CADM3: variants seen among roughly 807,000 people sequenced by gnomAD.
CADM3 encodes TSLC1-like 1.
A neutral mutation model predicts 44.9 loss-of-function variants in CADM3; 11 were observed. That is an observed-to-expected ratio of 0.25 (90% CI 0.15 to 0.41). The LOEUF is 0.41. Ranked by LOEUF, CADM3 falls within the 10% of genes least tolerant of loss-of-function variation. The probability of loss-of-function intolerance (pLI) is 1.00; values close to 1 mark genes in which losing one functional copy is unlikely to be tolerated. For synonymous variants in CADM3, 207 were observed against 205.2 expected, an observed-to-expected ratio of 1.01 and a Z score of -0.08; for missense variants, 426 against 512.0, an observed-to-expected ratio of 0.83 and a Z score of 1.62.
chr1:159,182,087 C>T (rs956955499), intron 1 of CADM3, among the ~76,000 whole-genome samples: 12 of 144,338 alleles, frequency 8.3e-5, no homozygotes, highest in Admixed American at 1.4e-4. Context: ...CACACACACA[C>T]GCACACACAC....
At chr1:159,189,372 T>C (rs1290244143) in intron 1 of CADM3, among the ~76,000 whole-genome samples, 2 of 152,226 alleles carry the variant, frequency 1.3e-5, no homozygotes, top group Non-Finnish European at 1.5e-5. Flanking sequence ...GAAAGAATTC[T>C]GGATAAGGAA....
chr1:159,188,110 G>A (rs1057390336), intron 1 of CADM3, among the ~76,000 whole-genome samples: 8 of 152,006 alleles, frequency 5.3e-5, no homozygotes, highest in African/African-American at 1.7e-4. Context: ...TCTCCTGGAA[G>A]CTGTCTGTGA....
At chr1:159,175,400 A>C (rs780865750) in intron 1 of CADM3, among the ~76,000 whole-genome samples, 2 of 152,226 alleles carry the variant, frequency 1.3e-5, no homozygotes, top group Non-Finnish European at 2.9e-5. Flanking sequence ...CAGTTATGCC[A>C]TTCTATTCTA....
chr1:159,181,348 G>A (rs538279036), intron 1 of CADM3, among the ~76,000 whole-genome samples: 71 of 152,290 alleles, frequency 4.7e-4, no homozygotes, highest in Non-Finnish European at 7.8e-4. Context: ...ATACCTGTCC[G>A]TATGTCTAAA....
Position 159,197,000 on chromosome 1 carries a change from G to A in CADM3, c.892G>A (p.Gly298Ser), listed in dbSNP as rs1557938790. Residue 298 changes from glycine to serine, a missense_variant, in exon 7 of 9, where the codon GGC becomes AGC. Physicochemically the swap from Gly to Ser is moderately conservative, Grantham distance 56 (BLOSUM62 0). Coordinates refer to ENST00000368125, the MANE Select transcript of CADM3 (RefSeq NM_001127173.3). The stretch of plus-strand genomic sequence containing the variant: ...CAACAAGAGTGACAGTGGCACCTAC[G>A]GCTGCACAGCCACCAGCAACATGGG... ...FLNKSDSGTY[G>S]CTATSNMGSY... The A allele has an allele frequency of 3.1e-6, 5 of 1,613,982 alleles. No individual in the cohort carries two copies. Among genetic ancestry groups the A allele is most frequent in the Admixed American group, 1.7e-5 (1 of 59,996 alleles).
Position 159,193,553 on chromosome 1 carries a change from A to T in CADM3, c.513A>T (p.Glu171Asp). 6.2e-7 allele frequency: 1 copy of T among 1,614,020 alleles called. No homozygotes were observed. Among genetic ancestry groups the T allele is most frequent in the Non-Finnish European group, 8.5e-7 (1 of 1,180,002 alleles). Reference sequence around the variant, plus strand: ...TCACCTGGAGAAAGGGTGACCAAGAACTCCACGGTGAGTACCTCCTGCCTT... The same window carrying T: ...TCACCTGGAGAAAGGGTGACCAAGATCTCCACGGTGAGTACCTCCTGCCTT... ...ARLTWRKGDQ[E>D]LHGEPTRIQE... Residue 171 changes from glutamate (E) to aspartate (D), a missense_variant, in exon 4 of 9, where the codon GAA becomes GAT. Around this residue, in one of 2 missense-constraint regions of CADM3, gnomAD observed 362 missense variants for 474.6 expected, o/e 0.76. Transcript: ENST00000368125.
At chr1:159,176,044 T>C (rs552702665) in intron 1 of CADM3, among the ~76,000 whole-genome samples, 2 of 152,332 alleles carry the variant, frequency 1.3e-5, no homozygotes, top group East Asian at 3.9e-4. Flanking sequence ...CCTGGGGCTG[T>C]GACTAGTCTT....
At chr1:159,194,070 A>T in intron 5 of CADM3, 30 bp downstream of exon 5, 1 of 1,602,108 alleles carries the variant, frequency 6.2e-7, no homozygotes, top group East Asian at 2.2e-5. Context: ...ATGAAGAAGG[A>T]TGAGGTATGA....
intron 1 of CADM3, chr1:159,189,629 ACCCT>A: frequency 1.6e-6 from 1 of 644,296 alleles, no homozygotes; most frequent in Non-Finnish European, 2.7e-6. Flanking sequence ...CTTGGTAAGA[ACCCT>A]ACCTTCTCTT....
At chr1:159,187,961 T>C (rs1370656272) in intron 1 of CADM3, among the ~76,000 whole-genome samples, 1 of 151,836 alleles carries the variant, frequency 6.6e-6, no homozygotes, top group African/African-American at 2.4e-5. Flanking sequence ...GCCTCTCTTT[T>C]ATCGACAGTT....
At chr1:159,200,545 CACACACACACTT>C (rs1356326149) in intron 8 of CADM3, among the ~76,000 whole-genome samples, 6 of 136,430 alleles carry the variant, frequency 4.4e-5, no homozygotes, top group African/African-American at 1.3e-4. Context: ...CACACACACA[CACACACACACTT>C]CTCTTTCTTG....
chr1:159,189,815 C>T (rs1212571672), intron 1 of CADM3: 1 of 1,607,630 alleles, frequency 6.2e-7, no homozygotes, highest in Non-Finnish European at 8.5e-7. Context: ...TCTGGCTCCA[C>T]TCGACGAGGC....
intron 1 of CADM3, among the ~76,000 whole-genome samples, chr1:159,182,068 ACAC>A (rs1649254855): frequency 7.0e-6 from 1 of 143,640 alleles, no homozygotes; most frequent in South Asian, 2.2e-4. Context: ...ACACACACAC[ACAC>A]ACACACACAC....
At chr1:159,198,976 C>T (rs926366823) in intron 7 of CADM3, among the ~76,000 whole-genome samples, 1 of 152,124 alleles carries the variant, frequency 6.6e-6, no homozygotes, top group South Asian at 2.1e-4. Flanking sequence ...AAGACGGAGT[C>T]CCAGGCCTCC....
rs532244003 is a variant in CADM3 at position 159,175,852 on chromosome 1, C to T, written c.88+3999C>T. On this transcript the variant is annotated intron_variant, in intron 1 of 8. Transcript: ENST00000368125. ...CCAGAGACAGCATCGCTTTGGCGTT[C>T]TGGTTACTTTGAAATAACAAACTGA... 5.3e-5 allele frequency among the ~76,000 whole-genome samples: 8 copies of T among 152,368 alleles called. No homozygotes were observed. The South Asian group carries it at 1.7e-3, about 32-fold the overall frequency.
rs374461427 is a variant in CADM3 at position 159,199,752 on chromosome 1, C to A, written c.954C>A (p.Asp318Glu). ...TGTGTGTGTTGCCCTTTCTTCCAGACCCCAGTCCGGTGCCCTCCTCCTCCA... is the reference window on the plus strand; with the variant it reads ...TGTGTGTGTTGCCCTTTCTTCCAGAACCCAGTCCGGTGCCCTCCTCCTCCA... ...YKAYYTLNVN[D>E]PSPVPSSSST... Residue 318 changes from aspartate to glutamate, a missense_variant and splice_region_variant, in exon 8 of 9, where the codon GAC becomes GAA. Physicochemically the swap from Asp to Glu is conservative, Grantham distance 45. Coordinates refer to ENST00000368125, the MANE Select transcript of CADM3 (RefSeq NM_001127173.3). 5 of 1,613,950 alleles carry A rather than the reference C, an allele frequency of 3.1e-6. No homozygotes were observed. Among genetic ancestry groups the A allele is most frequent in the Non-Finnish European group, 3.4e-6 (4 of 1,180,026 alleles).
Position 159,201,194 on chromosome 1 carries a change from A to G in CADM3, c.*272A>G, listed in dbSNP as rs1650184923. The G allele has an allele frequency of 4.7e-6, 1 of 213,354 alleles. No homozygotes were observed. The highest frequency in any genetic ancestry group is 5.9e-5 in the Admixed American group (1 of 16,972). The allele number at this position is 213,354 out of a possible 1,614,324, so 13.2% of individuals were successfully genotyped here. ...TATTATTATTTTTGTAACAATCCCA[A>G]ATCAAATCTGTCTCCAGGCTGGAGA... On this transcript the variant is annotated 3_prime_UTR_variant, in exon 9 of 9. Coordinates refer to ENST00000368125, the MANE Select transcript of CADM3 (RefSeq NM_001127173.3).
Position 159,193,912 on chromosome 1 carries a change from T to C in CADM3, c.563T>C (p.Phe188Ser). 6.2e-7 allele frequency: 1 copy of C among 1,614,170 alleles called. No homozygotes were observed. The highest frequency in any genetic ancestry group is 8.5e-7 in the Non-Finnish European group (1 of 1,180,006). ...CAGGAAGATCCCAATGGTAAAACCTTCACTGTCAGCAGCTCGGTGACATTC... is the reference window on the plus strand; with the variant it reads ...CAGGAAGATCCCAATGGTAAAACCTCCACTGTCAGCAGCTCGGTGACATTC... ...RIQEDPNGKT[F>S]TVSSSVTFQV... is the part of the protein sequence containing the mutation. The change falls in exon 5 of 9, where the codon TTC becomes TCC. Residue 188 changes from phenylalanine (F) to serine (S), a missense_variant. This residue lies in a region of CADM3 where 362 missense variants were observed against 474.6 expected (regional missense o/e 0.76). Transcript: ENST00000368125.
chr1:159,171,883 A>G, intron 1 of CADM3, 30 bp downstream of exon 1: 1 of 1,215,176 alleles, frequency 8.2e-7, no homozygotes, highest in Non-Finnish European at 1.0e-6. Flanking sequence ...GCGCCTGGGG[A>G]GGTGGGGAGT....
Sources: allele counts gnomAD v4.1 joint callset (sites outside exome capture counted in the v4.1 genomes callset), GRCh38; gene constraint gnomAD v4.1.1; regional missense constraint gnomAD v4.1.1; transcripts MANE v1.5; gene names NCBI Gene and HGNC (gene_info 2026-07-23, HGNC 2026-07-21).